The following FGF14 variants were observed in gnomAD, a reference collection of about 807,000 sequenced individuals.
FGF14 encodes the protein fibroblast growth factor 14.
A neutral mutation model predicts 25.5 loss-of-function variants in FGF14; 5 were observed. The observed-to-expected ratio is 0.20, with a 90% CI of 0.10 to 0.41. FGF14 has a LOEUF of 0.41. Among genes scored for constraint, FGF14 ranks in the 10% least tolerant of loss-of-function variants. The probability of loss-of-function intolerance (pLI) is 1.00; values close to 1 mark genes in which losing one functional copy is unlikely to be tolerated. For synonymous variants in FGF14, 138 were observed against 118.3 expected, an observed-to-expected ratio of 1.17 and a Z score of -1.08; for missense variants, 222 against 320.1, an observed-to-expected ratio of 0.69 and a Z score of 2.34.
chr13:102,329,742 G>T (rs1270623976), intron 1 of FGF14, among the ~76,000 whole-genome samples: 1 of 152,014 alleles, frequency 6.6e-6, no homozygotes, highest in Non-Finnish European at 1.5e-5. Flanking sequence ...CCCCTGCTCA[G>T]ATCAACACCT....
At chr13:102,327,977 A>C (rs1239529501) in intron 1 of FGF14, among the ~76,000 whole-genome samples, 1 of 11,084 alleles carries the variant, frequency 9.0e-5, no homozygotes, top group Non-Finnish European at 1.4e-4. Context: ...TGGAAGGATC[A>C]AAAAAAAAAA....
intron 1 of FGF14, among the ~76,000 whole-genome samples, chr13:102,287,156 C>G (rs16960018): frequency 0.01 from 1,547 of 152,120 alleles, 21 homozygotes; most frequent in African/African-American, 0.035. Flanking sequence ...GAAAACAAAA[C>G]AGTATTTCAG....
intron 1 of FGF14, among the ~76,000 whole-genome samples, chr13:102,351,215 T>C (rs1196144799): frequency 6.6e-6 from 1 of 152,032 alleles, no homozygotes; most frequent in African/African-American, 2.4e-5. Flanking sequence ...TTGTAAAAAG[T>C]ACAGTTACAA....
At chr13:101,955,163 A>G (rs1329609844) in intron 1 of FGF14, among the ~76,000 whole-genome samples, 1 of 152,238 alleles carries the variant, frequency 6.6e-6, no homozygotes, top group African/African-American at 2.4e-5. Flanking sequence ...ATGAGCTATG[A>G]TCACTGCAGC....
chr13:102,147,559 A>G (rs561553706), intron 1 of FGF14, among the ~76,000 whole-genome samples: 84 of 152,344 alleles, frequency 5.5e-4, no homozygotes, highest in Middle Eastern at 3.4e-3. Flanking sequence ...GATACAAAAG[A>G]TTACTAAAAG....
At chr13:101,838,921 C>T (rs2043062620) in intron 3 of FGF14, among the ~76,000 whole-genome samples, 1 of 152,034 alleles carries the variant, frequency 6.6e-6, no homozygotes, top group African/African-American at 2.4e-5. Context: ...GCTTTTAGAG[C>T]TATAAGTAGA....
Position 101,716,203 on chromosome 13 carries a change from A to G in FGF14, c.*6628T>C, listed in dbSNP as rs1011420903. 4 of 152,264 alleles carry G rather than the reference A, an allele frequency of 2.6e-5. No individual in the cohort carries two copies. Among genetic ancestry groups the G allele is most frequent in the African/African-American group, 9.7e-5 (4 of 41,446 alleles). 9.4% of individuals were successfully genotyped at this position (152,264 alleles called of 1,614,324 possible). A position where few individuals can be genotyped will look rare whatever the true frequency, so the allele number is the denominator to read the frequency against. On this transcript the variant is annotated 3_prime_UTR_variant, in exon 5 of 5. Transcript: ENST00000376143. ...TAATTAATCGATCAGATTTTTCCAG[A>G]ATTCCGTATCAGTCACCATTTTAAT...
chr13:102,132,107 G>A (rs1425374381), intron 1 of FGF14, among the ~76,000 whole-genome samples: 1 of 152,114 alleles, frequency 6.6e-6, no homozygotes, highest in African/African-American at 2.4e-5. Flanking sequence ...TCCATCAGCA[G>A]ACACAAATGG....
intron 1 of FGF14, among the ~76,000 whole-genome samples, chr13:102,389,886 G>A (rs573533466): frequency 6.6e-6 from 1 of 152,308 alleles, no homozygotes; most frequent in African/African-American, 2.4e-5. Flanking sequence ...TGACCCAGGA[G>A]TCCCCTGTCT....
At chr13:102,141,405 T>C (rs1174425464) in intron 1 of FGF14, among the ~76,000 whole-genome samples, 1 of 152,210 alleles carries the variant, frequency 6.6e-6, no homozygotes, top group Non-Finnish European at 1.5e-5. Flanking sequence ...AGCTTTCTAG[T>C]GATACTTATC....
chr13:102,170,184 C>A (rs2048188682), intron 1 of FGF14, among the ~76,000 whole-genome samples: 1 of 151,880 alleles, frequency 6.6e-6, no homozygotes, highest in Non-Finnish European at 1.5e-5. Flanking sequence ...ATGTGGCTGG[C>A]TCCTGGTATG....
chr13:101,873,733 A>T (rs1335925446), intron 2 of FGF14, among the ~76,000 whole-genome samples: 1 of 152,138 alleles, frequency 6.6e-6, no homozygotes, highest in African/African-American at 2.4e-5. Flanking sequence ...AAGATTGTCA[A>T]CTACCAATAA....
At chr13:101,891,283 C>T (rs2046254925) in intron 1 of FGF14, among the ~76,000 whole-genome samples, 1 of 152,118 alleles carries the variant, frequency 6.6e-6, no homozygotes, top group African/African-American at 2.4e-5. Context: ...CATTGGCCTT[C>T]CCTGTCTCCA....
chr13:102,119,172 G>A (rs965708744), intron 1 of FGF14, among the ~76,000 whole-genome samples: 1 of 152,258 alleles, frequency 6.6e-6, no homozygotes, highest in Non-Finnish European at 1.5e-5. Flanking sequence ...TTGCCAAAAT[G>A]AGTAAGCTGA....
intron 1 of FGF14, among the ~76,000 whole-genome samples, chr13:101,945,193 C>T (rs2035724438): frequency 1.3e-5 from 2 of 152,076 alleles, no homozygotes; most frequent in African/African-American, 4.8e-5. Context: ...TGGCGCATGA[C>T]TGTAATCCCA....
chr13:102,360,667 A>C (rs1489197360), intron 1 of FGF14, among the ~76,000 whole-genome samples: 1 of 152,220 alleles, frequency 6.6e-6, no homozygotes, highest in East Asian at 1.9e-4. Flanking sequence ...ATTAGCGAGA[A>C]GAATACAAAC....
chr13:102,027,534 TCCC>T (rs2040993343), intron 1 of FGF14, among the ~76,000 whole-genome samples: 1 of 152,004 alleles, frequency 6.6e-6, no homozygotes, highest in African/African-American at 2.4e-5. Flanking sequence ...TATCTTGAAT[TCCC>T]CCAATTTACT....
chr13:102,108,305 T>C (rs546522159), intron 1 of FGF14, among the ~76,000 whole-genome samples: 1 of 152,328 alleles, frequency 6.6e-6, no homozygotes, highest in East Asian at 1.9e-4. Context: ...CCACCCACAT[T>C]TTCCTACTTA....
At position 102,136,947 on chromosome 13, in the gene FGF14, C is replaced by T. The variant is rs1248118147; in HGVS notation, c.209-261651G>A. 2.0e-5 allele frequency among the ~76,000 whole-genome samples: 3 copies of T among 152,302 alleles called. No individual in the cohort carries two copies. The East Asian group carries it at 5.8e-4, about 29-fold the overall frequency. On this transcript the variant is annotated intron_variant, in intron 1 of 4. Coordinates refer to the FGF14 transcript ENST00000376131. ...ATCAAGACGGGGAGAAAACCTGGGA[C>T]ATTAGATTACTTAGTCGAACAATAT...
Sources: gnomAD v4.1 joint callset for allele counts (sites outside exome capture counted in the v4.1 genomes callset) on GRCh38, gnomAD v4.1.1 for gene constraint, MANE v1.5 for transcripts, NCBI Gene and HGNC (gene_info 2026-07-23, HGNC 2026-07-21) for gene names.